ATXN7L1: variants seen among roughly 807,000 people sequenced by gnomAD.
The protein encoded by ATXN7L1 is ataxin 7 like 1.
A neutral mutation model predicts 70.8 loss-of-function variants in ATXN7L1; 15 were observed. The ratio of observed to expected loss-of-function variants is 0.21; its 90% CI spans 0.14 to 0.33. ATXN7L1 has a LOEUF of 0.33. ATXN7L1 is among the 10% of genes least tolerant of loss of function. The pLI is 1.00. For missense variants in ATXN7L1, 975 were observed against 1,097.1 expected (o/e 0.89, Z 1.57); for synonymous variants, 440 against 445.1 (o/e 0.99, Z 0.14).
rs919699057 is a variant in ATXN7L1, at chr7:105,614,986, T to C, written c.1518-170A>G. 3.3e-5 allele frequency among the ~76,000 whole-genome samples: 5 copies of C among 152,090 alleles called. No individual in the cohort carries two copies. The highest frequency in any genetic ancestry group is 5.9e-5 in the Non-Finnish European group (4 of 68,006). On this transcript the variant is annotated intron_variant, in intron 9 of 11. Transcript: ENST00000419735. This position sits in a 1 kb window ranked among gnomAD's most constrained non-coding sequence, Gnocchi z 4.3. ...GAATCTGAAGCATGGCCCCTCCTTATGGCACCCCCCATTGCAACATCCAGC... is the reference window on the plus strand; with the variant it reads ...GAATCTGAAGCATGGCCCCTCCTTACGGCACCCCCCATTGCAACATCCAGC...
intron 2 of ATXN7L1, chr7:105,819,858 C>G: frequency 1.7e-6 from 1 of 603,614 alleles, no homozygotes; most frequent in Non-Finnish European, 3.2e-6. Context: ...TTCCTGCTGC[C>G]CTCAAGGTCA....
intron 3 of ATXN7L1, among the ~76,000 whole-genome samples, chr7:105,775,122 A>G (rs1802546865): frequency 6.6e-6 from 1 of 152,096 alleles, no homozygotes; most frequent in Non-Finnish European, 1.5e-5. Context: ...CCCTAGACCT[A>G]TCTATTTCCT....
intron 3 of ATXN7L1, among the ~76,000 whole-genome samples, chr7:105,727,746 G>GTGTATATGTATATATATATATATA (rs1333693053): frequency 1.8e-5 from 1 of 55,356 alleles, no homozygotes; most frequent in Non-Finnish European, 2.9e-5. Flanking sequence ...GTGTATGTGT[G>GTGTATATGTATATATATATATATA]TATATATATA....
chr7:105,613,734 C>T, intron 10 of ATXN7L1, 128 bp downstream of exon 10: 3 of 1,518,896 alleles, frequency 2.0e-6, no homozygotes, highest in South Asian at 1.2e-5. Context: ...GTGAAAACTG[C>T]CTTCGGGGAA....
chr7:105,622,107 C>T (rs754042128), intron 8 of ATXN7L1, among the ~76,000 whole-genome samples: 5 of 152,142 alleles, frequency 3.3e-5, no homozygotes, highest in Non-Finnish European at 7.4e-5. Context: ...AAAGATGCAC[C>T]GAGCAAGCAT....
chr7:105,777,930 G>A (rs1223167436), intron 3 of ATXN7L1, among the ~76,000 whole-genome samples: 1 of 152,110 alleles, frequency 6.6e-6, no homozygotes, highest in Non-Finnish European at 1.5e-5. Flanking sequence ...GTTCTCTGCT[G>A]GGACACTCTT....
chr7:105,735,569 A>G (rs923167492), intron 3 of ATXN7L1, among the ~76,000 whole-genome samples: 2 of 152,192 alleles, frequency 1.3e-5, no homozygotes, highest in African/African-American at 4.8e-5. Context: ...AACATACACA[A>G]AAAGAGAAAA....
intron 3 of ATXN7L1, among the ~76,000 whole-genome samples, chr7:105,740,298 C>T (rs1797854371): frequency 6.6e-6 from 1 of 152,174 alleles, no homozygotes; most frequent in Non-Finnish European, 1.5e-5. Flanking sequence ...CAAAGGGACA[C>T]TGGTTGGGAA....
At chr7:105,729,062 G>A (rs532564883) in intron 3 of ATXN7L1, among the ~76,000 whole-genome samples, 304 of 152,198 alleles carry the variant, frequency 2.0e-3, no homozygotes, top group Non-Finnish European at 3.3e-3. Context: ...CCAGGAGTTT[G>A]AGACTAGCCT....
chr7:105,701,938 T>G (rs1326045741), intron 3 of ATXN7L1, among the ~76,000 whole-genome samples: 1 of 152,224 alleles, frequency 6.6e-6, no homozygotes, highest in Non-Finnish European at 1.5e-5. Context: ...TCTTCCCTGA[T>G]GGAATTATGG....
rs376842787 is a variant in ATXN7L1 at position 105,703,753 on chromosome 7, C to T, written c.356-38465G>A. 6.6e-5 allele frequency among the ~76,000 whole-genome samples: 10 copies of T among 152,300 alleles called. No homozygotes were observed. The East Asian group carries it at 1.5e-3, about 23-fold the overall frequency. ...CTGGATGGTTTATGAGGGGATGATG[C>T]TGCTTTGGGAAAACAGTGTAACAGT... is the stretch of plus-strand genomic sequence containing the variant. On this transcript the variant is annotated intron_variant, in intron 3 of 11. Coordinates refer to ENST00000419735, the MANE Select transcript of ATXN7L1 (RefSeq NM_020725.2).
At chr7:105,613,396 G>T in intron 10 of ATXN7L1, 1 of 796,120 alleles carries the variant, frequency 1.3e-6, no homozygotes, top group Non-Finnish European at 1.5e-6. Flanking sequence ...ACTCCCAGGT[G>T]GGACCCTGGG....
chr7:105,730,990 T>A (rs1347748134), intron 3 of ATXN7L1, among the ~76,000 whole-genome samples: 2 of 152,158 alleles, frequency 1.3e-5, no homozygotes, highest in African/African-American at 4.8e-5. Flanking sequence ...AGGTCGAGAA[T>A]CCCTAATCAG....
intron 3 of ATXN7L1, among the ~76,000 whole-genome samples, chr7:105,740,787 T>TTTTTTTTTTTTTTTTTTTTTGAGGC (rs1797930812): frequency 1.3e-5 from 1 of 79,280 alleles, no homozygotes; most frequent in African/African-American, 5.8e-5. Context: ...TTTTTTTTAA[T>TTTTTTTTTTTTTTTTTTTTTGAGGC]GGAGTCTCAC....
intron 2 of ATXN7L1, among the ~76,000 whole-genome samples, chr7:105,811,391 A>T (rs1232926243): frequency 6.6e-6 from 1 of 152,172 alleles, no homozygotes; most frequent in African/African-American, 2.4e-5. Flanking sequence ...CAGCACCTTG[A>T]CTTTGGACTT....
chr7:105,810,075 A>G (rs1808210423), intron 2 of ATXN7L1, among the ~76,000 whole-genome samples: 1 of 152,028 alleles, frequency 6.6e-6, no homozygotes, highest in Non-Finnish European at 1.5e-5. Context: ...CCCAGCCCAG[A>G]CTCCATTCTC....
chr7:105,787,914 C>G (rs1176586866), intron 3 of ATXN7L1, among the ~76,000 whole-genome samples: 2 of 152,294 alleles, frequency 1.3e-5, no homozygotes, highest in African/African-American at 4.8e-5. Context: ...AAACTTCCAC[C>G]CAGAGAGGTT....
intron 3 of ATXN7L1, among the ~76,000 whole-genome samples, chr7:105,733,609 T>A (rs145677112): frequency 2.2e-5 from 1 of 45,736 alleles, no homozygotes; most frequent in African/African-American, 1.0e-4. Flanking sequence ...CATCCACCCA[T>A]CCATCCATCC....
At chr7:105,690,553 T>A (rs1437864016) in intron 3 of ATXN7L1, among the ~76,000 whole-genome samples, 1 of 152,200 alleles carries the variant, frequency 6.6e-6, no homozygotes, top group Non-Finnish European at 1.5e-5. Flanking sequence ...GAGGCCTAAA[T>A]GATGTTTGTC....
Sources: gnomAD v4.1 joint callset for allele counts (sites outside exome capture counted in the v4.1 genomes callset) on GRCh38, gnomAD v4.1.1 for gene constraint, Gnocchi (gnomAD v3.1) non-coding constraint, MANE v1.5 for transcripts, NCBI Gene and HGNC (gene_info 2026-07-23, HGNC 2026-07-21) for gene names.